Variants in USP32 observed in about 807,000 individuals in gnomAD.
The protein encoded by USP32 is ubiquitin carboxyl-terminal hydrolase 32.
A neutral mutation model predicts 204.8 loss-of-function variants in USP32; 59 were observed. The observed-to-expected ratio is 0.29, with a 90% CI of 0.23 to 0.36. The LOEUF (loss-of-function observed/expected upper bound fraction) is 0.36, where lower values mean the gene tolerates loss of function less well. Among genes scored for constraint, USP32 ranks in the 10% least tolerant of loss-of-function variants. The probability of loss-of-function intolerance (pLI) is 1.00; values close to 1 mark genes in which losing one functional copy is unlikely to be tolerated. For missense variants in USP32, 1,160 were observed against 1,946.4 expected (o/e 0.60, Z 7.60); for synonymous variants, 517 against 678.4 (o/e 0.76, Z 3.70).
intron 5 of USP32, among the ~76,000 whole-genome samples, chr17:60,272,743 G>C (rs1181548597): frequency 2.0e-5 from 3 of 152,176 alleles, no homozygotes; most frequent in African/African-American, 4.8e-5. Context: ...ACCTAAACAA[G>C]GGATGAGTAC....
At chr17:60,347,642 C>T (rs1357087380) in intron 1 of USP32, among the ~76,000 whole-genome samples, 10 of 151,432 alleles carry the variant, frequency 6.6e-5, no homozygotes, top group Non-Finnish European at 1.2e-4. Context: ...CGTGAGCCAC[C>T]GCGCCCGGCC....
At chr17:60,200,244 G>T (rs2084641968) in intron 26 of USP32, among the ~76,000 whole-genome samples, 1 of 151,674 alleles carries the variant, frequency 6.6e-6, no homozygotes, top group Non-Finnish European at 1.5e-5. Flanking sequence ...CTAATGCAGA[G>T]AAAAATAAAA....
chr17:60,419,860 ATT>A (rs869098335), intron 1 of USP32, among the ~76,000 whole-genome samples: 420 of 123,760 alleles, frequency 3.4e-3, no homozygotes, highest in Middle Eastern at 8.5e-3. Flanking sequence ...TATTATTATT[ATT>A]TTATTATTAT....
rs772569432 is a variant in USP32 at position 60,198,330 on chromosome 17, C to G, written c.3364G>C (p.Val1122Leu). Residue 1122 changes from valine to leucine, a missense_variant, in exon 27 of 34, where the codon GTT (valine) becomes CTT (leucine). Val to Leu is a conservative substitution (Grantham distance 32, BLOSUM62 1). Coordinates refer to ENST00000300896, the MANE Select transcript of USP32 (RefSeq NM_032582.4). ...HTRKKDLYDA[V>L]WIQVSRLASP... ...GCTAACCGGGATACTTGAATCCAAA[C>G]CGCATCATATAGGTCTTTCTTCCGG... The G allele has an allele frequency of 6.2e-7, 1 of 1,614,166 alleles. No homozygotes were observed. The highest frequency in any genetic ancestry group is 8.5e-7 in the Non-Finnish European group (1 of 1,180,020).
At chr17:60,204,476 T>C (rs1196415499) in intron 26 of USP32, among the ~76,000 whole-genome samples, 3 of 151,284 alleles carry the variant, frequency 2.0e-5, no homozygotes, top group Admixed American at 6.6e-5. Flanking sequence ...CTTTTTTTTT[T>C]TTTTTTTTTT....
chr17:60,397,045 A>G (rs1370338409), upstream of USP32, among the ~76,000 whole-genome samples: 2 of 152,144 alleles, frequency 1.3e-5, no homozygotes, highest in African/African-American at 2.4e-5. Flanking sequence ...ACTTCTTCCC[A>G]TGTGGCAGCT....
At chr17:60,294,488 G>A (rs868811450) in intron 4 of USP32, among the ~76,000 whole-genome samples, 195 bp downstream of exon 4, 1 of 151,692 alleles carries the variant, frequency 6.6e-6, no homozygotes, top group East Asian at 1.9e-4. Context: ...CAGTAGAATT[G>A]AAAATTTTCA....
intron 2 of USP32, among the ~76,000 whole-genome samples, chr17:60,321,035 T>C (rs775405099): frequency 3.9e-5 from 6 of 152,106 alleles, no homozygotes; most frequent in African/African-American, 1.4e-4. Context: ...TATGGCACAG[T>C]AGTATAACTA....
intron 11 of USP32, among the ~76,000 whole-genome samples, chr17:60,247,471 C>T (rs1339896271): frequency 5.3e-5 from 8 of 152,162 alleles, no homozygotes; most frequent in African/African-American, 1.9e-4. Context: ...TGAGCCACCT[C>T]GCCCAGCCTC....
Position 60,179,249 on chromosome 17 carries a change from G to A in USP32, c.*6C>T. 6.2e-7 allele frequency: 1 copy of A among 1,612,216 alleles called. No individual in the cohort carries two copies. Among genetic ancestry groups the A allele is most frequent in the Non-Finnish European group, 8.5e-7 (1 of 1,178,488 alleles). On this transcript the variant is annotated 3_prime_UTR_variant, in exon 34 of 34. Transcript: ENST00000300896. The stretch of plus-strand genomic sequence containing the variant: ...GCCAAGCTGTCTAGCAGCCAGAGTG[G>A]TAGCTTTACTGTAACACACAGTACT...
intron 1 of USP32, among the ~76,000 whole-genome samples, chr17:60,415,371 C>T (rs1024981049): frequency 6.6e-6 from 1 of 152,316 alleles, no homozygotes; most frequent in African/African-American, 2.4e-5. Context: ...TTTTTGCTCT[C>T]AAGAGTAGCC....
chr17:60,349,307 C>T (rs1162058461), intron 1 of USP32, among the ~76,000 whole-genome samples: 4 of 150,416 alleles, frequency 2.7e-5, no homozygotes, highest in South Asian at 2.1e-4. Flanking sequence ...TGGCTGGGCA[C>T]GATAGTTCAC....
At chr17:60,347,565 G>A (rs2088819552) in intron 1 of USP32, among the ~76,000 whole-genome samples, 1 of 151,566 alleles carries the variant, frequency 6.6e-6, no homozygotes, top group African/African-American at 2.4e-5. Context: ...GTGTTAGCCA[G>A]GATGGTCTCG....
chr17:60,210,812 T>C (rs184312002), intron 21 of USP32, among the ~76,000 whole-genome samples: 257 of 152,390 alleles, frequency 1.7e-3, no homozygotes, highest in Non-Finnish European at 2.9e-3. Flanking sequence ...GTACCTTTGG[T>C]CTTTATCCTA....
intron 11 of USP32, among the ~76,000 whole-genome samples, chr17:60,246,486 T>C (rs2086031318): frequency 6.6e-6 from 1 of 152,240 alleles, no homozygotes; most frequent in South Asian, 2.1e-4. Context: ...CTATTGTAAG[T>C]AGTGCTGCAA....
chr17:60,177,981 T>G lies in USP32; in HGVS notation c.*1274A>C, dbSNP rs1359683518. ...AAAACTACACGAAAAAAATGCTACC[T>G]GAAATAAATAATATTTATACTTTTG... On this transcript the variant is annotated 3_prime_UTR_variant, in exon 34 of 34. Coordinates refer to ENST00000300896, the MANE Select transcript of USP32 (RefSeq NM_032582.4). Among the ~76,000 whole-genome samples the G allele has an allele frequency of 5.9e-5, 9 of 152,050 alleles. No individual in the cohort carries two copies. Among genetic ancestry groups the G allele is most frequent in the Non-Finnish European group, 1.2e-4 (8 of 68,030 alleles).
rs144090363 is a variant in USP32 at position 60,271,242 on chromosome 17, A to G, written c.703+108T>C. The stretch of plus-strand genomic sequence containing the variant: ...TTTCCCCACTCCATTAAACCTGCAA[A>G]CATATGAGAAGATGGTTTCTTAGAG... On this transcript the variant is annotated intron_variant, in intron 6 of 33. Coordinates refer to ENST00000300896, the MANE Select transcript of USP32 (RefSeq NM_032582.4). 4.3e-3 allele frequency: 5,971 copies of G among 1,398,208 alleles called. 20 individuals are homozygous for G. Among genetic ancestry groups the G allele is most frequent in the Non-Finnish European group, 5.2e-3 (5,352 of 1,037,074 alleles). 86.6% of individuals were successfully genotyped at this position (1,398,208 alleles called of 1,614,324 possible).
rs764361669 is a variant in USP32, at chr17:60,269,468, G to C, written c.793C>G (p.Leu265Val). ...CGLSACCRGP[L>V]AERQKFCFKV... ...CACTTACATTTTTGTCTTTCAGCCA[G>C]GGGTCCCCTGCAACAGGCTGATAAC... The change falls in exon 7 of 34, where the codon CTG becomes GTG. Residue 265 changes from leucine (L) to valine (V), a missense_variant. Around this residue, in one of 8 missense-constraint regions of USP32, gnomAD observed 536 missense variants for 680.9 expected, o/e 0.79. Coordinates refer to ENST00000300896, the MANE Select transcript of USP32 (RefSeq NM_032582.4). 6.2e-7 allele frequency: 1 copy of C among 1,608,288 alleles called. No individual in the cohort carries two copies. Among genetic ancestry groups the C allele is most frequent in the Non-Finnish European group, 8.5e-7 (1 of 1,178,200 alleles).
intron 15 of USP32, among the ~76,000 whole-genome samples, chr17:60,220,469 A>T (rs569104223): frequency 6.6e-6 from 1 of 152,198 alleles, no homozygotes; most frequent in Admixed American, 6.5e-5. Context: ...TTAAACAAAA[A>T]ATTTGGATGT....
Sources: gnomAD v4.1 joint callset for allele counts (sites outside exome capture counted in the v4.1 genomes callset) on GRCh38, gnomAD v4.1.1 for gene constraint, gnomAD v4.1.1 regional missense constraint, MANE v1.5 for transcripts, NCBI Gene and HGNC (gene_info 2026-07-23, HGNC 2026-07-21) for gene names.